Variants in MYT1L observed in about 807,000 individuals in gnomAD.
The protein encoded by MYT1L is myelin transcription factor 1 like.
In MYT1L, 12 loss-of-function variants were observed where a neutral mutation model predicts 126.7. That is an observed-to-expected ratio of 0.09 (90% CI 0.06 to 0.15). MYT1L has a LOEUF of 0.15. Ranked by LOEUF, MYT1L falls within the 10% of genes least tolerant of loss-of-function variation. The pLI is 1.00. For missense variants in MYT1L, 979 were observed against 1,585.2 expected, an observed-to-expected ratio of 0.62 and a Z score of 6.49; for synonymous variants, 541 against 604.2, an observed-to-expected ratio of 0.90 and a Z score of 1.53.
chr2:2,194,317 C>A (rs2092710543), intron 2 of MYT1L, among the ~76,000 whole-genome samples: 1 of 152,152 alleles, frequency 6.6e-6, no homozygotes, highest in Non-Finnish European at 1.5e-5. Flanking sequence ...TGGGCTCAAG[C>A]AACCTCCCAA....
chr2:1,857,856 A>G (rs2044106386), intron 18 of MYT1L, among the ~76,000 whole-genome samples: 2 of 147,414 alleles, frequency 1.4e-5, no homozygotes, highest in Non-Finnish European at 3.0e-5. Context: ...TAAAATACAT[A>G]TTACTATTTT....
chr2:2,207,152 C>A (rs2093351324), intron 2 of MYT1L, among the ~76,000 whole-genome samples: 1 of 152,176 alleles, frequency 6.6e-6, no homozygotes, highest in African/African-American at 2.4e-5. Context: ...AAGAACCCAA[C>A]CTTCTCTTTC....
intron 2 of MYT1L, among the ~76,000 whole-genome samples, chr2:2,231,358 T>C (rs2094156505): frequency 1.3e-5 from 2 of 152,238 alleles, no homozygotes; most frequent in African/African-American, 4.8e-5. Flanking sequence ...TATTACTAAT[T>C]AACAAACATT....
At chr2:2,251,916 A>G (rs1363059) in intron 2 of MYT1L, among the ~76,000 whole-genome samples, 2,410 of 151,990 alleles carry the variant, frequency 0.016, 61 homozygotes, top group African/African-American at 0.056. Flanking sequence ...AAAGAAAAAG[A>G]AAGAAAGAAA....
At chr2:1,944,530 C>A (rs913933359) in intron 8 of MYT1L, among the ~76,000 whole-genome samples, 4 of 152,176 alleles carry the variant, frequency 2.6e-5, no homozygotes, top group African/African-American at 9.6e-5. Context: ...GAGGTGTGGC[C>A]TCTCTCACTG....
At chr2:2,029,125 T>C (rs1325875475) in intron 4 of MYT1L, among the ~76,000 whole-genome samples, 2 of 152,150 alleles carry the variant, frequency 1.3e-5, no homozygotes, top group Non-Finnish European at 2.9e-5. Context: ...ACTAAATGTA[T>C]CAAAAAGAGA....
At chr2:2,036,924 G>A (rs1336682885) in intron 4 of MYT1L, among the ~76,000 whole-genome samples, 1 of 152,096 alleles carries the variant, frequency 6.6e-6, no homozygotes, top group Non-Finnish European at 1.5e-5. Context: ...CTCCTTCCTT[G>A]GTCTCTGGTC....
At position 1,807,148 on chromosome 2, in the gene MYT1L, A is replaced by T. The variant is rs533977704; in HGVS notation, c.3172+1928T>A. Among the ~76,000 whole-genome samples the T allele has an allele frequency of 5.9e-5, 9 of 152,352 alleles. No homozygotes were observed. The East Asian group carries it at 1.7e-3, about 29-fold the overall frequency. ...AGACAGGAGCAGCCTGGGGGACAGG[A>T]TGCCTCCAGGAGCCCCAGACCTTGA... On this transcript the variant is annotated intron_variant, in intron 22 of 24. Transcript: ENST00000647738.
intron 3 of MYT1L, among the ~76,000 whole-genome samples, chr2:2,149,193 T>C (rs1227484440): frequency 6.6e-6 from 1 of 152,192 alleles, no homozygotes; most frequent in African/African-American, 2.4e-5. Flanking sequence ...GCAAGTTCAA[T>C]AACATATAAA....
In MYT1L at chr2:1,923,280, A is replaced by C. The variant is rs1573607079; in HGVS notation, c.506-17T>G. 6.5e-7 allele frequency: 1 copy of C among 1,540,676 alleles called. No homozygotes were observed. The highest frequency in any genetic ancestry group is 2.4e-5 in the East Asian group (1 of 41,276). ...GATGGTCTTCTGCAAAGAAAATAAA[A>C]AAGACAAAAAAGAAAAGAAAAGGAA... On this transcript the variant is annotated splice_polypyrimidine_tract_variant and intron_variant, in intron 9 of 24. Transcript: ENST00000647738.
chr2:1,957,670 T>C lies in MYT1L; in HGVS notation c.153-14336A>G, dbSNP rs529482979. On this transcript the variant is annotated intron_variant, in intron 8 of 24. Coordinates refer to ENST00000647738, the MANE Select transcript of MYT1L (RefSeq NM_001303052.2). ...CGTTATCATCTATAATCTATCAATC[T>C]ATCTGTCATCTATGAATTACAGAGG... Among the ~76,000 whole-genome samples the C allele has an allele frequency of 5.3e-5, 8 of 152,292 alleles. No homozygotes were observed. The East Asian group carries it at 1.4e-3, about 26-fold the overall frequency.
chr2:1,934,972 A>G (rs2055661183), intron 9 of MYT1L, among the ~76,000 whole-genome samples: 1 of 152,172 alleles, frequency 6.6e-6, no homozygotes, highest in African/African-American at 2.4e-5. Flanking sequence ...GGAAATTGAG[A>G]GGACATCAGG....
rs1237576242 is a variant in MYT1L at position 1,887,386 on chromosome 2, G to T, written c.2642+102C>A. The T allele has an allele frequency of 4.8e-6, 7 of 1,470,748 alleles. No homozygotes were observed. The Admixed American group carries it at 1.0e-4, about 22-fold the overall frequency. 91.1% of individuals were successfully genotyped at this position (1,470,748 alleles called of 1,614,324 possible). The stretch of plus-strand genomic sequence containing the variant: ...GAAACATTTATATGCTGCGAATGTC[G>T]CATGCTCAAACGGCAAGGCATATAC... On this transcript the variant is annotated intron_variant, in intron 17 of 24. Coordinates refer to ENST00000647738, the MANE Select transcript of MYT1L (RefSeq NM_001303052.2). The surrounding 1 kb of genome is among the most constrained non-coding windows in gnomAD (Gnocchi z 4.8).
At chr2:2,129,887 C>T (rs1369710287) in intron 3 of MYT1L, among the ~76,000 whole-genome samples, 1 of 139,164 alleles carries the variant, frequency 7.2e-6, no homozygotes, top group African/African-American at 2.8e-5. Flanking sequence ...GCCTGGGCGA[C>T]AGAGCGAGAC....
chr2:1,831,877 C>T (rs1010089919), intron 21 of MYT1L, among the ~76,000 whole-genome samples: 1 of 152,090 alleles, frequency 6.6e-6, no homozygotes, highest in African/African-American at 2.4e-5. Flanking sequence ...CCGGGGTGAA[C>T]CTGCAGGGTC....
chr2:1,965,738 C>A (rs914582862), intron 8 of MYT1L, among the ~76,000 whole-genome samples: 6 of 152,234 alleles, frequency 3.9e-5, no homozygotes, highest in Non-Finnish European at 8.8e-5. Context: ...CTCACGAATG[C>A]ATGTGGGCAC....
chr2:2,247,257 T>C (rs775598464), intron 2 of MYT1L, among the ~76,000 whole-genome samples: 3 of 150,632 alleles, frequency 2.0e-5, no homozygotes, highest in African/African-American at 7.3e-5. Context: ...ACAAAATATA[T>C]TTCAAGACAA....
intron 23 of MYT1L, among the ~76,000 whole-genome samples, chr2:1,799,216 T>C (rs1450958744): frequency 6.6e-6 from 1 of 152,206 alleles, no homozygotes; most frequent in Admixed American, 6.5e-5. Context: ...TAGATGCTGT[T>C]AGGAGCAACT....
At chr2:2,299,367 T>C (rs1401225156) in intron 1 of MYT1L, among the ~76,000 whole-genome samples, 3 of 152,210 alleles carry the variant, frequency 2.0e-5, no homozygotes, top group Non-Finnish European at 4.4e-5. Context: ...CAGAGGTCAC[T>C]GGAGAGCCCC....
Sources: allele counts gnomAD v4.1 joint callset (sites outside exome capture counted in the v4.1 genomes callset), GRCh38; gene constraint gnomAD v4.1.1; non-coding constraint Gnocchi (gnomAD v3.1); transcripts MANE v1.5; gene names NCBI Gene and HGNC (gene_info 2026-07-23, HGNC 2026-07-21).